Variants in RBFOX1 observed in about 807,000 individuals in gnomAD.
RBFOX1 encodes RNA binding protein fox-1 homolog 1.
A neutral mutation model predicts 57.7 loss-of-function variants in RBFOX1; 8 were observed. The observed-to-expected ratio is 0.14, with a 90% confidence interval of 0.08 to 0.25. The LOEUF (loss-of-function observed/expected upper bound fraction) is 0.25, where lower values mean the gene tolerates loss of function less well. RBFOX1 is among the 10% of genes least tolerant of loss of function. RBFOX1 has a pLI of 1.00. For missense variants in RBFOX1, 611 were observed against 548.5 expected (o/e 1.11, Z -1.14); for synonymous variants, 326 against 222.4 (o/e 1.47, Z -4.15).
chr16:5,515,085 C>A (rs1420195065), intron 2 of RBFOX1, among the ~76,000 whole-genome samples: 2 of 152,172 alleles, frequency 1.3e-5, no homozygotes, highest in African/African-American at 4.8e-5. Context: ...AGAACAAGAA[C>A]TCATTTATTA....
chr16:5,822,221 A>G (rs932997796), intron 3 of RBFOX1, among the ~76,000 whole-genome samples: 1 of 152,170 alleles, frequency 6.6e-6, no homozygotes, highest in Non-Finnish European at 1.5e-5. Flanking sequence ...CTGATATGTG[A>G]GAGCTAAGCT....
chr16:5,450,218 T>C (rs1417620741), intron 1 of RBFOX1, among the ~76,000 whole-genome samples: 2 of 152,226 alleles, frequency 1.3e-5, no homozygotes, highest in Admixed American at 1.3e-4. Flanking sequence ...CACCTTCAAT[T>C]CTGTCTCCCT....
intron 4 of RBFOX1, among the ~76,000 whole-genome samples, chr16:7,367,633 G>A (rs970571040): frequency 6.6e-6 from 1 of 152,140 alleles, no homozygotes; most frequent in African/African-American, 2.4e-5. Flanking sequence ...TTCTGTATAT[G>A]TGCATCAGTC....
intron 4 of RBFOX1, among the ~76,000 whole-genome samples, chr16:7,057,407 G>A (rs2052683343): frequency 6.6e-6 from 1 of 152,154 alleles, no homozygotes; most frequent in African/African-American, 2.4e-5. Context: ...CTTTGTTTCT[G>A]TTTATGGGTC....
Position 6,154,796 on chromosome 16 carries a change from G to A in RBFOX1, c.-127+134804G>A, listed in dbSNP as rs150853502. ...CTCATTACTAATGTGACTACAGGTCGTACTGTGTGTTAATTTGAAAATAGC... is the reference window on the plus strand; with the variant it reads ...CTCATTACTAATGTGACTACAGGTCATACTGTGTGTTAATTTGAAAATAGC... On this transcript the variant is annotated intron_variant, in intron 1 of 15. Coordinates refer to ENST00000550418, the MANE Select transcript of RBFOX1 (RefSeq NM_018723.4). Among the ~76,000 whole-genome samples the A allele has an allele frequency of 2.4e-3, 363 of 152,274 alleles. 2 individuals are homozygous for A. Among genetic ancestry groups the A allele is most frequent in the African/African-American group, 7.5e-3 (312 of 41,558 alleles).
chr16:7,314,474 T>C (rs1203946704), intron 4 of RBFOX1, among the ~76,000 whole-genome samples: 2 of 152,194 alleles, frequency 1.3e-5, no homozygotes, highest in Non-Finnish European at 2.9e-5. Flanking sequence ...GTTGTGTATG[T>C]GTGTGTGTTT....
At chr16:6,582,461 A>ACT (rs111477463) in intron 2 of RBFOX1, among the ~76,000 whole-genome samples, 1 of 146,940 alleles carries the variant, frequency 6.8e-6, no homozygotes, top group Non-Finnish European at 1.5e-5. Flanking sequence ...GTTAGCGCCA[A>ACT]TTTTTTTTTT....
At chr16:5,746,223 A>T (rs2052975338) in intron 3 of RBFOX1, among the ~76,000 whole-genome samples, 1 of 152,230 alleles carries the variant, frequency 6.6e-6, no homozygotes, top group South Asian at 2.1e-4. Flanking sequence ...TGTTTTTGTC[A>T]GGTTTGTCAA....
At chr16:5,544,506 C>G (rs1320717578) in intron 2 of RBFOX1, among the ~76,000 whole-genome samples, 1 of 151,776 alleles carries the variant, frequency 6.6e-6, no homozygotes, top group Admixed American at 6.6e-5. Flanking sequence ...AGAACAAAAT[C>G]AACACAAAGT....
chr16:7,254,882 A>C lies in RBFOX1; in HGVS notation c.27+202784A>C, dbSNP rs138306262. On this transcript the variant is annotated intron_variant, in intron 4 of 15. Coordinates refer to ENST00000550418, the MANE Select transcript of RBFOX1 (RefSeq NM_018723.4). ...CTGAAATAGGTATGAATTTTTCAAG[A>C]ATGTGGTCACTGCATTTTGTACCAT... Among the ~76,000 whole-genome samples, 736 of 152,222 alleles carry C rather than the reference A, an allele frequency of 4.8e-3. 3 individuals carry two copies. The highest frequency in any genetic ancestry group is 8.3e-3 in the Non-Finnish European group (565 of 68,004).
At chr16:7,052,138 T>G in intron 4 of RBFOX1, 40 bp downstream of exon 4, 1 of 1,581,060 alleles carries the variant, frequency 6.3e-7, no homozygotes, top group South Asian at 1.2e-5. Flanking sequence ...TGATTCTCAT[T>G]TTTGTGTGAT....
chr16:7,067,798 T>C (rs2056449249), intron 4 of RBFOX1, among the ~76,000 whole-genome samples: 1 of 150,930 alleles, frequency 6.6e-6, no homozygotes, highest in South Asian at 2.1e-4. Context: ...TGATTTTTTG[T>C]CCTTGCGATA....
intron 4 of RBFOX1, among the ~76,000 whole-genome samples, chr16:7,401,819 G>T (rs2098249011): frequency 6.6e-6 from 1 of 152,150 alleles, no homozygotes; most frequent in African/African-American, 2.4e-5. Context: ...ATATAACCTA[G>T]CACAGGAGGC....
At chr16:7,184,858 T>A (rs1243263523) in intron 4 of RBFOX1, among the ~76,000 whole-genome samples, 2 of 152,174 alleles carry the variant, frequency 1.3e-5, no homozygotes, top group African/African-American at 4.8e-5. Flanking sequence ...TGTGTTGAAG[T>A]GTTACTAACA....
chr16:6,747,095 C>A (rs2073852703), intron 3 of RBFOX1, among the ~76,000 whole-genome samples: 1 of 152,192 alleles, frequency 6.6e-6, no homozygotes, highest in Non-Finnish European at 1.5e-5. Flanking sequence ...TATACCATGC[C>A]AAATGGGAGA....
At chr16:5,444,833 T>C (rs1031857394) in intron 1 of RBFOX1, among the ~76,000 whole-genome samples, 1 of 152,244 alleles carries the variant, frequency 6.6e-6, no homozygotes, top group Non-Finnish European at 1.5e-5. Context: ...ACTGCCATTC[T>C]TATAGGTCCA....
intron 3 of RBFOX1, among the ~76,000 whole-genome samples, chr16:5,680,993 A>G (rs942699937): frequency 2.6e-5 from 4 of 152,108 alleles, no homozygotes; most frequent in African/African-American, 9.7e-5. Context: ...TAAGTGCCAT[A>G]AAAGAAAGAA....
rs1490905818 is a variant in RBFOX1, at chr16:7,393,641, C to G, written c.28-124506C>G. ...GTTTCAGGGGGAAACATAGCCTCAG[C>G]CTGATCTTGTAAGAAGATCTGGATT... is the stretch of plus-strand genomic sequence containing the variant. On this transcript the variant is annotated intron_variant, in intron 4 of 15. Transcript: ENST00000550418. 2.6e-5 allele frequency among the ~76,000 whole-genome samples: 4 copies of G among 152,130 alleles called. No individual in the cohort carries two copies. The East Asian group carries it at 7.8e-4, about 30-fold the overall frequency.
At chr16:5,597,943 GGC>G (rs1338590390) in intron 2 of RBFOX1, among the ~76,000 whole-genome samples, 4 of 152,158 alleles carry the variant, frequency 2.6e-5, no homozygotes, top group African/African-American at 9.7e-5. Context: ...TGTGAGACGG[GGC>G]TGAGGTTAAG....
Sources: allele counts gnomAD v4.1 joint callset (sites outside exome capture counted in the v4.1 genomes callset), GRCh38; gene constraint gnomAD v4.1.1; transcripts MANE v1.5; gene names NCBI Gene and HGNC (gene_info 2026-07-23, HGNC 2026-07-21).